The following OPRD1 variants were observed in gnomAD, a reference collection of about 807,000 sequenced individuals.
OPRD1 encodes opioid receptor delta 1, also known as delta-type opioid receptor.
Under a neutral mutation model 17.5 loss-of-function variants are expected in OPRD1, and 19 were observed. The ratio of observed to expected loss-of-function variants is 1.09; its 90% CI spans 0.76 to 1.60. OPRD1 has a LOEUF of 1.60. OPRD1 is among the 40% of genes most tolerant of loss of function. The probability of loss-of-function intolerance (pLI) is 0.00; values close to 1 mark genes in which losing one functional copy is unlikely to be tolerated. For synonymous variants in OPRD1, 256 were observed against 240.9 expected (o/e 1.06, Z -0.58); for missense variants, 483 against 547.2 (o/e 0.88, Z 1.17).
chr1:28,867,178 A>T lies in OPRD1; in HGVS notation c.*3895A>T, dbSNP rs1218682419. ...GTGTGACACCATGCCCAGCAATTTT[A>T]TTTTTATTTTTATTCATTTATTTTG... On this transcript the variant is annotated 3_prime_UTR_variant, in exon 3 of 3. Coordinates refer to ENST00000234961, the MANE Select transcript of OPRD1 (RefSeq NM_000911.4). The T allele has an allele frequency of 6.7e-6, 1 of 148,180 alleles. No homozygotes were observed. The highest frequency in any genetic ancestry group is 2.5e-5 in the African/African-American group (1 of 39,850). 9.2% of individuals were successfully genotyped at this position (148,180 alleles called of 1,614,324 possible).
chr1:28,814,322 G>A (rs1267546658), intron 1 of OPRD1, among the ~76,000 whole-genome samples: 3 of 152,180 alleles, frequency 2.0e-5, no homozygotes, highest in African/African-American at 4.8e-5. Context: ...CTTCCACAGG[G>A]TTGTTGTGAG....
Position 28,858,972 on chromosome 1 carries a change from G to C in OPRD1, c.246G>C (p.Thr82=), listed in dbSNP as rs775151883. ...FGIVRYTKMK[T]ATNIYIFNLA... Reference sequence around the variant, plus strand: ...TTCTAAGGTACACTAAGATGAAGACGGCCACCAACATCTACATCTTCAACC... The same window carrying C: ...TTCTAAGGTACACTAAGATGAAGACCGCCACCAACATCTACATCTTCAACC... Residue 82 remains threonine, a synonymous_variant, in exon 2 of 3, where the codon ACG becomes ACC. Coordinates refer to ENST00000234961, the MANE Select transcript of OPRD1 (RefSeq NM_000911.4). The C allele has an allele frequency of 1.5e-5, 24 of 1,611,188 alleles. No homozygotes were observed. Among genetic ancestry groups the C allele is most frequent in the Non-Finnish European group, 1.9e-5 (23 of 1,179,556 alleles).
intron 1 of OPRD1, among the ~76,000 whole-genome samples, chr1:28,837,315 G>A (rs1269572635): frequency 2.0e-5 from 3 of 151,864 alleles, no homozygotes; most frequent in Non-Finnish European, 4.4e-5. Context: ...AGCTTCACTC[G>A]CCCACTGCTC....
Position 28,859,261 on chromosome 1 carries a change from G to C in OPRD1, c.535G>C (p.Val179Leu), listed in dbSNP as rs989076216. The C allele has an allele frequency of 6.2e-7, 1 of 1,614,162 alleles. No homozygotes were observed. Among genetic ancestry groups the C allele is most frequent in the Non-Finnish European group, 8.5e-7 (1 of 1,180,024 alleles). Residue 179 changes from valine to leucine, a missense_variant, in exon 2 of 3, where the codon GTT becomes CTT. Coordinates refer to ENST00000234961, the MANE Select transcript of OPRD1 (RefSeq NM_000911.4). ...CTGTATCTGGGTCCTGGCCTCAGGC[G>C]TTGGCGTGCCCATCATGGTCATGGC... ...NICIWVLASG[V>L]GVPIMVMAVT... is the part of the protein sequence containing the mutation.
chr1:28,843,391 T>G (rs147554440), intron 1 of OPRD1, among the ~76,000 whole-genome samples: 108 of 152,276 alleles, frequency 7.1e-4, no homozygotes, highest in Non-Finnish European at 1.3e-3. Context: ...CCAGAAGTTT[T>G]TCATCTTCCC....
intron 1 of OPRD1, among the ~76,000 whole-genome samples, chr1:28,854,657 CTT>C (rs200854418): frequency 8.3e-5 from 12 of 143,928 alleles, no homozygotes; most frequent in Non-Finnish European, 1.2e-4. Context: ...TGTGAGCCTG[CTT>C]TTTTTTTTTT....
At chr1:28,857,917 C>T (rs1260313001) in intron 1 of OPRD1, among the ~76,000 whole-genome samples, 1 of 152,092 alleles carries the variant, frequency 6.6e-6, no homozygotes, top group South Asian at 2.1e-4. Flanking sequence ...CTCAGCCTCT[C>T]GAGTAGCTGG....
rs1440213790 is a variant in OPRD1 at position 28,870,041 on chromosome 1, GA to G, written c.*6761del. ...GCTGATGAGAAGTTGAGAAGATTCA[GA>G]AAGAGGCTATGAGTGAAGGACCTTG... On this transcript the variant is annotated 3_prime_UTR_variant, in exon 3 of 3. Transcript: ENST00000234961. The G allele has an allele frequency of 6.6e-6, 1 of 152,174 alleles. No individual in the cohort carries two copies. The highest frequency in any genetic ancestry group is 1.5e-5 in the Non-Finnish European group (1 of 68,044). 9.4% of individuals were successfully genotyped at this position (152,174 alleles called of 1,614,324 possible).
intron 1 of OPRD1, among the ~76,000 whole-genome samples, chr1:28,850,321 T>G (rs1213849114): frequency 1.3e-5 from 2 of 151,974 alleles, no homozygotes; most frequent in African/African-American, 4.8e-5. Context: ...AGACTGCATC[T>G]CTACAAATTT....
intron 1 of OPRD1, among the ~76,000 whole-genome samples, chr1:28,834,283 C>T (rs2088831674): frequency 6.6e-6 from 1 of 152,100 alleles, no homozygotes; most frequent in Admixed American, 6.6e-5. Context: ...CCAGTTCCTC[C>T]TGGAGGGCAG....
chr1:28,846,895 C>CTTTCTCTT lies in OPRD1; in HGVS notation c.228-12058_228-12057insTTCTCTTT, dbSNP rs1319487675. On this transcript the variant is annotated intron_variant, in intron 1 of 2. Coordinates refer to ENST00000234961, the MANE Select transcript of OPRD1 (RefSeq NM_000911.4). ...CTTTCTTTCTTTCTTTCTTTCTTTT[C>CTTTCTCTT]TCTTTCTTTCTTTTTCTTTCTTTCT... Among the ~76,000 whole-genome samples the CTTTCTCTT allele has an allele frequency of 6.8e-4, 23 of 33,976 alleles. 1 individual carries two copies. The highest frequency in any genetic ancestry group is 1.1e-3 in the African/African-American group (17 of 15,716). The allele number at this position is 33,976 out of a possible 152,430, so 22.3% of individuals were successfully genotyped here.
At chr1:28,830,401 G>A (rs1011226854) in intron 1 of OPRD1, among the ~76,000 whole-genome samples, 7 of 152,042 alleles carry the variant, frequency 4.6e-5, no homozygotes, top group Non-Finnish European at 1.0e-4. Flanking sequence ...GGACATGCCT[G>A]TAGTCCTAGC....
rs78443608 is a variant in OPRD1 at position 28,839,234 on chromosome 1, C to G, written c.228-19720C>G. 3.3e-5 allele frequency among the ~76,000 whole-genome samples: 5 copies of G among 152,274 alleles called. No homozygotes were observed. The East Asian group carries it at 9.6e-4, about 29-fold the overall frequency. On this transcript the variant is annotated intron_variant, in intron 1 of 2. Transcript: ENST00000234961. ...AATCTTTCCTTGCTTCTTCCCGTTT[C>G]TGGTGGCTCCAGGCTCTTCTTAGTT...
At chr1:28,835,835 CTGCCA>C (rs2088847163) in intron 1 of OPRD1, among the ~76,000 whole-genome samples, 1 of 152,192 alleles carries the variant, frequency 6.6e-6, no homozygotes, top group South Asian at 2.1e-4. Context: ...AAGCTAGGCC[CTGCCA>C]TCCCTAGCTG....
At chr1:28,812,653 G>C in intron 1 of OPRD1, 43 bp downstream of exon 1, 1 of 1,425,948 alleles carries the variant, frequency 7.0e-7, no homozygotes, top group Non-Finnish European at 9.2e-7. Context: ...GGAGCCCGGG[G>C]TGAGGGTGGG....
chr1:28,827,710 A>G (rs2088777774), intron 1 of OPRD1, among the ~76,000 whole-genome samples: 1 of 150,270 alleles, frequency 6.7e-6, no homozygotes, highest in Non-Finnish European at 1.5e-5. Flanking sequence ...CTTCTTTAAA[A>G]CTCCTGTCAA....
chr1:28,846,846 T>TTTCTTTCTTTCTTTTCTTTTC (rs769212543), intron 1 of OPRD1, among the ~76,000 whole-genome samples: 2 of 76,912 alleles, frequency 2.6e-5, no homozygotes, highest in Admixed American at 1.4e-4. Context: ...TCTTTCTTTC[T>TTTCTTTCTTTCTTTTCTTTTC]TTTCTTTCTT....
intron 1 of OPRD1, among the ~76,000 whole-genome samples, chr1:28,850,750 T>C (rs887013030): frequency 6.6e-6 from 1 of 150,526 alleles, no homozygotes; most frequent in African/African-American, 2.4e-5. Flanking sequence ...ACGAGTGCAC[T>C]CCAGCCTTGG....
intron 1 of OPRD1, among the ~76,000 whole-genome samples, chr1:28,846,849 TC>T (rs1487880238): frequency 3.0e-5 from 1 of 33,698 alleles, no homozygotes; most frequent in African/African-American, 1.1e-4. Context: ...TTCTTTCTTT[TC>T]TTTCTTTCTT....
Sources: gnomAD v4.1 joint callset for allele counts (sites outside exome capture counted in the v4.1 genomes callset) on GRCh38, gnomAD v4.1.1 for gene constraint, MANE v1.5 for transcripts, NCBI Gene and HGNC (gene_info 2026-07-23, HGNC 2026-07-21) for gene names.